Variants in TACC2 observed in about 807,000 individuals in gnomAD.
The protein encoded by TACC2 is transforming acidic coiled-coil containing protein 2.
Under a neutral mutation model 227.3 loss-of-function variants are expected in TACC2, and 137 were observed. The observed-to-expected ratio is 0.60, with a 90% CI of 0.52 to 0.69. The LOEUF (loss-of-function observed/expected upper bound fraction) is 0.69, where lower values mean the gene tolerates loss of function less well. Among genes scored for constraint, TACC2 ranks in the 30% least tolerant of loss-of-function variants. The pLI, the probability that TACC2 is intolerant of heterozygous loss-of-function variation, is 0.00. For missense variants in TACC2, 3,470 were observed against 3,694.4 expected, an observed-to-expected ratio of 0.94 and a Z score of 1.57; for synonymous variants, 1,523 against 1,487.5, an observed-to-expected ratio of 1.02 and a Z score of -0.55.
chr10:122,047,288 C>CAAAAAA (rs371181114), intron 2 of TACC2, among the ~76,000 whole-genome samples: 8 of 60,882 alleles, frequency 1.3e-4, no homozygotes, highest in South Asian at 1.0e-3. Context: ...GACTCCGTCT[C>CAAAAAA]AAAAAAAAAA....
At chr10:122,200,967 AT>A (rs2094802260) in intron 8 of TACC2, among the ~76,000 whole-genome samples, 2 of 129,108 alleles carry the variant, frequency 1.5e-5, no homozygotes, top group Admixed American at 1.6e-4. Context: ...CAGTGGCCAC[AT>A]CTACAGTGAG....
chr10:122,027,441 T>TA, intron 2 of TACC2, among the ~76,000 whole-genome samples: 1 of 151,082 alleles, frequency 6.6e-6, no homozygotes, highest in East Asian at 1.9e-4. Flanking sequence ...TGTCTGTGTA[T>TA]TTTTTTTTAA....
chr10:122,021,855 G>T, intron 1 of TACC2, 82 bp from the exon 2 acceptor site: 1 of 768,102 alleles, frequency 1.3e-6, no homozygotes, highest in South Asian at 1.6e-5. Flanking sequence ...TCTGGCTTTT[G>T]AGTTTGGGGA....
intron 11 of TACC2, among the ~76,000 whole-genome samples, chr10:122,223,212 A>G (rs1200713222): frequency 6.6e-6 from 1 of 151,724 alleles, no homozygotes; most frequent in African/African-American, 2.4e-5. Context: ...TGCCCGGCTA[A>G]TTTTAGTATT....
chr10:122,157,654 C>T (rs187862150), intron 7 of TACC2, among the ~76,000 whole-genome samples: 83 of 152,242 alleles, frequency 5.5e-4, no homozygotes, highest in African/African-American at 1.8e-3. Flanking sequence ...AGCACTTCCA[C>T]GCTTACCTCA....
chr10:122,155,482 C>T (rs2092401381), intron 7 of TACC2, among the ~76,000 whole-genome samples: 1 of 152,178 alleles, frequency 6.6e-6, no homozygotes. Flanking sequence ...TTCTGTTCTT[C>T]TTGGAAATAG....
chr10:122,099,244 T>C (rs1302400493), intron 5 of TACC2, among the ~76,000 whole-genome samples: 1 of 152,210 alleles, frequency 6.6e-6, no homozygotes, highest in Non-Finnish European at 1.5e-5. Context: ...GCAGCTGGTA[T>C]TGAAACATAC....
At chr10:122,075,992 G>A (rs1406719717) in intron 3 of TACC2, among the ~76,000 whole-genome samples, 2 of 151,958 alleles carry the variant, frequency 1.3e-5, no homozygotes, top group African/African-American at 4.8e-5. Flanking sequence ...TAGAGACAGG[G>A]TTTCACCATG....
intron 22 of TACC2, among the ~76,000 whole-genome samples, chr10:122,251,677 A>C (rs1394506563): frequency 6.6e-6 from 1 of 152,198 alleles, no homozygotes; most frequent in Admixed American, 6.5e-5. Flanking sequence ...AGCCAGCTGC[A>C]TTGCAGCCTG....
At chr10:122,129,720 C>T (rs547072532) in intron 5 of TACC2, among the ~76,000 whole-genome samples, 57 of 152,272 alleles carry the variant, frequency 3.7e-4, no homozygotes, top group African/African-American at 1.3e-3. Flanking sequence ...CTCCTGCCAT[C>T]CTCCCTCTTC....
chr10:122,051,802 A>G (rs1383942189), intron 3 of TACC2: 2 of 118,030 alleles, frequency 1.7e-5, no homozygotes, highest in African/African-American at 6.6e-5. Flanking sequence ...TGCTTTGGGT[A>G]AGTCAGAGCA....
At chr10:122,048,033 C>T (rs1006828924) in intron 2 of TACC2, among the ~76,000 whole-genome samples, 2 of 152,224 alleles carry the variant, frequency 1.3e-5, no homozygotes, top group African/African-American at 4.8e-5. Context: ...AGCTAGCTTG[C>T]TCTTCGGGCT....
chr10:122,186,004 C>T (rs1211927118), intron 7 of TACC2, among the ~76,000 whole-genome samples: 1 of 151,150 alleles, frequency 6.6e-6, no homozygotes, highest in East Asian at 2.0e-4. Flanking sequence ...GATCTCGGCT[C>T]ACCTCAACCT....
intron 7 of TACC2, among the ~76,000 whole-genome samples, chr10:122,161,194 C>A (rs2139782886): frequency 6.6e-6 from 1 of 152,244 alleles, no homozygotes; most frequent in Non-Finnish European, 1.5e-5. Flanking sequence ...CCTCGGCCAC[C>A]CCAAGTGCTG....
intron 8 of TACC2, among the ~76,000 whole-genome samples, chr10:122,208,164 C>G (rs984970861): frequency 6.6e-6 from 1 of 152,124 alleles, no homozygotes; most frequent in Admixed American, 6.5e-5. Flanking sequence ...GTATTTAGGG[C>G]GTCTGCTCCA....
At position 122,086,810 on chromosome 10, in the gene TACC2, C is replaced by G. The variant is rs1430031081; in HGVS notation, c.4310C>G (p.Ala1437Gly). ...PGEKAGAGRS[A>G]VGKDLTRPLG... is the part of the protein sequence containing the mutation. ...GAAAAGGCAGGAGCTGGGAGGAGTG[C>G]AGTGGGTAAAGACCTCACCAGGCCA... is the stretch of plus-strand genomic sequence containing the variant. The change falls in exon 4 of 23, where the codon GCA becomes GGA. Residue 1437 changes from alanine to glycine, a missense_variant. Around this residue, in one of 10 missense-constraint regions of TACC2, gnomAD observed 1,924 missense variants for 1,978.3 expected, o/e 0.97. Coordinates refer to ENST00000369005, the MANE Select transcript of TACC2 (RefSeq NM_206862.4). 6.2e-7 allele frequency: 1 copy of G among 1,613,952 alleles called. No individual in the cohort carries two copies. The highest frequency in any genetic ancestry group is 1.3e-5 in the African/African-American group (1 of 75,060).
At chr10:122,230,859 A>G (rs1019976085) in intron 16 of TACC2, among the ~76,000 whole-genome samples, 3 of 152,136 alleles carry the variant, frequency 2.0e-5, no homozygotes, top group Admixed American at 2.0e-4. Flanking sequence ...CAACTTTTCT[A>G]TTTTCTGCAA....
chr10:122,031,018 T>G (rs2135781869), intron 2 of TACC2, among the ~76,000 whole-genome samples: 1 of 152,290 alleles, frequency 6.6e-6, no homozygotes, highest in Middle Eastern at 3.4e-3. Context: ...TGACTCCACC[T>G]ACTTCCACCC....
intron 5 of TACC2, among the ~76,000 whole-genome samples, chr10:122,102,870 T>C (rs2082330024): frequency 6.6e-6 from 1 of 152,076 alleles, no homozygotes; most frequent in African/African-American, 2.4e-5. Flanking sequence ...CATTTCCTTG[T>C]GTATATTTTG....
Sources: allele counts gnomAD v4.1 joint callset (sites outside exome capture counted in the v4.1 genomes callset), GRCh38; gene constraint gnomAD v4.1.1; regional missense constraint gnomAD v4.1.1; transcripts MANE v1.5; gene names NCBI Gene and HGNC (gene_info 2026-07-23, HGNC 2026-07-21).